Variants in CHODL observed in about 807,000 individuals in gnomAD.
The protein encoded by CHODL is transmembrane protein MT75.
In CHODL, 29 loss-of-function variants were observed where a neutral mutation model predicts 34.5. The observed-to-expected ratio is 0.84, with a 90% CI of 0.63 to 1.15. The LOEUF (loss-of-function observed/expected upper bound fraction) is 1.15. Among genes scored for constraint, CHODL ranks in the 50% most tolerant of loss-of-function variants. CHODL has a pLI of 0.00. For synonymous variants in CHODL, 125 were observed against 116.1 expected (o/e 1.08, Z -0.49); for missense variants, 332 against 332.5 (o/e 1.00, Z 0.01).
At chr21:18,161,576 C>A (rs1056649942) in intron 2 of CHODL, among the ~76,000 whole-genome samples, 4 of 152,134 alleles carry the variant, frequency 2.6e-5, no homozygotes, top group Non-Finnish European at 5.9e-5. Flanking sequence ...ATGGGTCATG[C>A]TTTCTCTTAC....
At chr21:18,079,599 A>G (rs552146682) in intron 2 of CHODL, among the ~76,000 whole-genome samples, 2 of 150,984 alleles carry the variant, frequency 1.3e-5, no homozygotes, top group South Asian at 4.2e-4. Context: ...AGAATATTAT[A>G]TATAATCACA....
At chr21:17,938,688 C>T (rs1257097574) in intron 1 of CHODL, among the ~76,000 whole-genome samples, 2 of 151,946 alleles carry the variant, frequency 1.3e-5, no homozygotes, top group Non-Finnish European at 2.9e-5. Flanking sequence ...CGGTGTTAGC[C>T]AGGATGGTCT....
intron 2 of CHODL, among the ~76,000 whole-genome samples, chr21:18,052,207 G>A (rs2064524318): frequency 6.6e-6 from 1 of 151,912 alleles, no homozygotes; most frequent in African/African-American, 2.4e-5. Flanking sequence ...CTCACATTAG[G>A]ACAGTGATAA....
At chr21:18,248,687 T>TTATATACATATATATGTA (rs2074179859) in intron 1 of CHODL, among the ~76,000 whole-genome samples, 1 of 120,518 alleles carries the variant, frequency 8.3e-6, no homozygotes, top group East Asian at 2.2e-4. Context: ...TATGTATATA[T>TTATATACATATATATGTA]TATATACATA....
chr21:17,953,439 C>T (rs1018489081), intron 1 of CHODL, among the ~76,000 whole-genome samples: 3 of 151,794 alleles, frequency 2.0e-5, no homozygotes, highest in Admixed American at 2.0e-4. Context: ...TGCACTCCCG[C>T]CTGGGTGACA....
chr21:18,040,129 C>T (rs1408161198), intron 2 of CHODL, among the ~76,000 whole-genome samples: 2 of 151,802 alleles, frequency 1.3e-5, no homozygotes, highest in Non-Finnish European at 1.5e-5. Flanking sequence ...GTTAAAGGCC[C>T]TATTTATCTT....
chr21:18,100,376 G>T (rs952251164), intron 2 of CHODL, among the ~76,000 whole-genome samples: 2 of 152,034 alleles, frequency 1.3e-5, no homozygotes, highest in African/African-American at 2.4e-5. Context: ...ACATGTGGTT[G>T]GTGGAGTAAA....
Position 18,257,082 on chromosome 21 carries a change from G to A in CHODL, c.502G>A (p.Asp168Asn). 1 of 1,613,846 alleles carries A rather than the reference G, an allele frequency of 6.2e-7. No individual in the cohort carries two copies. Among genetic ancestry groups the A allele is most frequent in the South Asian group, 1.1e-5 (1 of 91,052 alleles). ...TCCCTACCTTTACCAGTGGAATGAT[G>A]ACAGGTGTAACATGAAGCACAATTA... The part of the protein sequence containing the change: ...GGPYLYQWND[D>N]RCNMKHNYIC... The change falls in exon 3 of 6, where the codon GAC becomes AAC. Residue 168 changes from aspartate to asparagine, a missense_variant. Physicochemically the swap from Asp to Asn is conservative, Grantham distance 23. Coordinates refer to ENST00000299295, the MANE Select transcript of CHODL (RefSeq NM_024944.3).
At chr21:17,988,957 C>T (rs2063776462) in intron 1 of CHODL, among the ~76,000 whole-genome samples, 1 of 152,028 alleles carries the variant, frequency 6.6e-6, no homozygotes, top group Non-Finnish European at 1.5e-5. Context: ...AGTTCTAGAT[C>T]CCTGAGGAAT....
At chr21:18,006,430 A>C (rs1400286827) in intron 1 of CHODL, among the ~76,000 whole-genome samples, 2 of 152,112 alleles carry the variant, frequency 1.3e-5, no homozygotes, top group Non-Finnish European at 2.9e-5. Flanking sequence ...ACTAACAAAG[A>C]TCTTCTCACC....
intron 1 of CHODL, among the ~76,000 whole-genome samples, chr21:17,970,598 A>T (rs565247986): frequency 6.6e-6 from 1 of 151,198 alleles, no homozygotes; most frequent in South Asian, 2.1e-4. Flanking sequence ...TTGTTTTTTA[A>T]TTTTTTTTTA....
chr21:18,091,007 G>T (rs573351352), intron 2 of CHODL, among the ~76,000 whole-genome samples: 1 of 152,210 alleles, frequency 6.6e-6, no homozygotes, highest in African/African-American at 2.4e-5. Flanking sequence ...GGCAGTGACC[G>T]TCTGGCCTGC....
intron 1 of CHODL, among the ~76,000 whole-genome samples, chr21:17,996,442 C>T (rs1327057250): frequency 6.6e-6 from 1 of 152,132 alleles, no homozygotes; most frequent in Non-Finnish European, 1.5e-5. Context: ...TCTTGGACTC[C>T]TCTGCAGGTC....
chr21:18,011,348 G>T (rs2064018137), intron 1 of CHODL, among the ~76,000 whole-genome samples: 2 of 152,186 alleles, frequency 1.3e-5, no homozygotes, highest in African/African-American at 4.8e-5. Flanking sequence ...TATGGTCTGA[G>T]TAGACAGCAA....
chr21:18,176,976 T>C (rs1037309625), intron 2 of CHODL, among the ~76,000 whole-genome samples: 2 of 151,954 alleles, frequency 1.3e-5, no homozygotes, highest in African/African-American at 4.8e-5. Context: ...TTATAGGTTG[T>C]TGGGGTAAGG....
chr21:18,048,074 T>C (rs780386643), intron 2 of CHODL, among the ~76,000 whole-genome samples: 4 of 151,916 alleles, frequency 2.6e-5, no homozygotes, highest in Non-Finnish European at 2.9e-5. Context: ...GAGAAGTATG[T>C]TGCTTTATTT....
intron 2 of CHODL, among the ~76,000 whole-genome samples, chr21:18,211,680 A>G (rs1431770284): frequency 1.3e-5 from 2 of 152,172 alleles, no homozygotes; most frequent in African/African-American, 4.8e-5. Flanking sequence ...GGGCTTACTA[A>G]TTAATCATGA....
At chr21:17,960,862 A>G (rs1985743643) in intron 1 of CHODL, among the ~76,000 whole-genome samples, 1 of 152,198 alleles carries the variant, frequency 6.6e-6, no homozygotes, top group South Asian at 2.1e-4. Flanking sequence ...CCCACATTCA[A>G]TTAGTCTTCA....
Position 18,265,183 on chromosome 21 carries a change from A to G in CHODL, c.738-771A>G, listed in dbSNP as rs527684653. On this transcript the variant is annotated intron_variant, in intron 5 of 5. Coordinates refer to ENST00000299295, the MANE Select transcript of CHODL (RefSeq NM_024944.3). ...AAGAATCTGTGGTATATATATGTATATATATATATACACACACACACACAT... is the reference window on the plus strand; with the variant it reads ...AAGAATCTGTGGTATATATATGTATGTATATATATACACACACACACACAT... Among the ~76,000 whole-genome samples the G allele has an allele frequency of 2.1e-4, 31 of 146,534 alleles. No homozygotes were observed. In the East Asian group the frequency reaches 2.9e-3, roughly 14 times the overall value.
Sources: allele counts gnomAD v4.1 joint callset (sites outside exome capture counted in the v4.1 genomes callset), GRCh38; gene constraint gnomAD v4.1.1; transcripts MANE v1.5; gene names NCBI Gene and HGNC (gene_info 2026-07-23, HGNC 2026-07-21).